SLC36A1: variants seen among roughly 807,000 people sequenced by gnomAD.
The protein encoded by SLC36A1 is proton-coupled amino acid transporter 1.
SLC36A1 carries 30 observed loss-of-function variants against 47.5 expected under a neutral mutation model. The ratio of observed to expected loss-of-function variants is 0.63; its 90% CI spans 0.47 to 0.86. The LOEUF is 0.86. SLC36A1 is among the 40% of genes least tolerant of loss of function. The pLI is 0.00. For synonymous variants in SLC36A1, 255 were observed against 249.7 expected, an observed-to-expected ratio of 1.02 and a Z score of -0.20; for missense variants, 517 against 606.0, an observed-to-expected ratio of 0.85 and a Z score of 1.54.
chr5:151,495,679 C>T (rs907580795), downstream of SLC36A1, among the ~76,000 whole-genome samples: 1 of 152,174 alleles, frequency 6.6e-6, no homozygotes, highest in Non-Finnish European at 1.5e-5. Flanking sequence ...CTTCAGTCCC[C>T]CACATCCCTA....
At chr5:151,538,695 T>C in the SLC36A1 span, among the ~76,000 whole-genome samples, 8 of 152,202 alleles carry the variant, frequency 5.3e-5, no homozygotes, top group Non-Finnish European at 1.0e-4. Context: ...TTCTCTTTTT[T>C]GAGACAGAGT....
At chr5:151,550,462 ATGTCACAACT>A in the SLC36A1 span, 1 of 1,089,520 alleles carries the variant, frequency 9.2e-7, no homozygotes, top group East Asian at 2.4e-5. Flanking sequence ...CAGCTGTGAA[ATGTCACAACT>A]CTGTCTCGTG....
chr5:151,545,019 A>G, the SLC36A1 span: 1 of 1,614,076 alleles, frequency 6.2e-7, no homozygotes, highest in Non-Finnish European at 8.5e-7. Flanking sequence ...CTGCCAACTC[A>G]TGAGTGTCCT....
the SLC36A1 span, among the ~76,000 whole-genome samples, chr5:151,499,539 A>G: frequency 2.6e-5 from 4 of 152,162 alleles, no homozygotes; most frequent in Admixed American, 1.3e-4. Context: ...TCTTCAGTCC[A>G]ACAGATGTCG....
the SLC36A1 span, chr5:151,531,693 C>T: frequency 5.0e-6 from 8 of 1,613,876 alleles, no homozygotes; most frequent in East Asian, 8.9e-5. This position sits in a 1 kb window ranked among gnomAD's most constrained non-coding sequence, Gnocchi z 5.7. Context: ...GCAGCACCTC[C>T]GTGCCAGGTG....
chr5:151,377,812 T>G, the SLC36A1 span, among the ~76,000 whole-genome samples: 2 of 152,244 alleles, frequency 1.3e-5, no homozygotes, highest in African/African-American at 2.4e-5. Flanking sequence ...AATATCTATT[T>G]TATCTGATAC....
the SLC36A1 span, among the ~76,000 whole-genome samples, chr5:151,393,590 C>A: frequency 4.6e-5 from 7 of 152,192 alleles, 1 homozygote; most frequent in Admixed American, 3.9e-4. Flanking sequence ...TCTTTTAGGG[C>A]AGGCCTGGTG....
chr5:151,434,808 A>C (rs1022524920), upstream of SLC36A1, among the ~76,000 whole-genome samples: 8 of 152,122 alleles, frequency 5.3e-5, no homozygotes, highest in Non-Finnish European at 1.2e-4. Flanking sequence ...GGAAGCCAGG[A>C]AGTGAGCTCT....
chr5:151,484,064 A>T (rs1027591128), intron 10 of SLC36A1, among the ~76,000 whole-genome samples: 3 of 152,202 alleles, frequency 2.0e-5, no homozygotes, highest in African/African-American at 7.2e-5. Flanking sequence ...TCTTTGTCCA[A>T]TCAGAGGAAA....
At chr5:151,451,848 C>T (rs778498650) in intron 1 of SLC36A1, among the ~76,000 whole-genome samples, 23 of 152,002 alleles carry the variant, frequency 1.5e-4, no homozygotes, top group African/African-American at 5.1e-4. Context: ...CAGCTTTGTT[C>T]GCAGGGAGAT....
downstream of SLC36A1, among the ~76,000 whole-genome samples, chr5:151,493,060 G>A (rs1371248117): frequency 6.6e-6 from 1 of 152,124 alleles, no homozygotes; most frequent in Non-Finnish European, 1.5e-5. Flanking sequence ...TTGTTTCTCT[G>A]AAGAAACCGG....
chr5:151,402,231 A>G, the SLC36A1 span, among the ~76,000 whole-genome samples: 79 of 152,352 alleles, frequency 5.2e-4, no homozygotes, highest in Non-Finnish European at 6.9e-4. Context: ...CTTTTTCTGC[A>G]TCAATCGAGA....
the SLC36A1 span, among the ~76,000 whole-genome samples, chr5:151,360,027 A>C: frequency 1.3e-5 from 2 of 152,112 alleles, no homozygotes; most frequent in African/African-American, 4.8e-5. Flanking sequence ...TTATGCTTTC[A>C]TTTGCCTTGT....
At chr5:151,432,244 A>C (rs1199897156), upstream of SLC36A1, among the ~76,000 whole-genome samples, 1 of 152,234 alleles carries the variant, frequency 6.6e-6, no homozygotes, top group Non-Finnish European at 1.5e-5. Flanking sequence ...AAAATTCAAC[A>C]GTGATAAAGC....
chr5:151,474,648 G>A (rs1271626303), intron 8 of SLC36A1, among the ~76,000 whole-genome samples: 1 of 152,108 alleles, frequency 6.6e-6, no homozygotes, highest in Non-Finnish European at 1.5e-5. Flanking sequence ...TACAACATTG[G>A]TTTGGTGTAT....
At chr5:151,545,333 A>G in the SLC36A1 span, 1 of 1,614,056 alleles carries the variant, frequency 6.2e-7, no homozygotes, top group African/African-American at 1.3e-5. Flanking sequence ...AGTCCCAGGA[A>G]AGCAGGATTC....
At chr5:151,353,326 A>T in the SLC36A1 span, among the ~76,000 whole-genome samples, 18 of 152,212 alleles carry the variant, frequency 1.2e-4, no homozygotes, top group Non-Finnish European at 2.2e-4. Context: ...TTAGGACAGA[A>T]CCAGGCATAG....
the SLC36A1 span, among the ~76,000 whole-genome samples, chr5:151,533,144 G>A: frequency 6.6e-6 from 1 of 152,110 alleles, no homozygotes; most frequent in Non-Finnish European, 1.5e-5. Context: ...AGGAATGACA[G>A]ATGTCCCACT....
chr5:151,444,542 G>A (rs1311079322), upstream of SLC36A1, among the ~76,000 whole-genome samples: 1 of 151,996 alleles, frequency 6.6e-6, no homozygotes, highest in Non-Finnish European at 1.5e-5. Flanking sequence ...CCAGGCTGAA[G>A]GGGCGCGATC....
Sources: allele counts gnomAD v4.1 joint callset (sites outside exome capture counted in the v4.1 genomes callset), GRCh38; gene constraint gnomAD v4.1.1; non-coding constraint Gnocchi (gnomAD v3.1); transcripts MANE v1.5; gene names NCBI Gene and HGNC (gene_info 2026-07-23, HGNC 2026-07-21).